Variants in MAEA observed in about 807,000 individuals in gnomAD.
The protein encoded by MAEA is macrophage erythroblast attacher, E3 ubiquitin ligase.
In MAEA, 22 loss-of-function variants were observed where a neutral mutation model predicts 46.2. The observed-to-expected ratio is 0.48, with a 90% CI of 0.34 to 0.68. The LOEUF (loss-of-function observed/expected upper bound fraction) is 0.68. Among genes scored for constraint, MAEA ranks in the 30% least tolerant of loss-of-function variants. MAEA has a pLI of 0.01. For missense variants in MAEA, 393 were observed against 558.1 expected (o/e 0.70, Z 2.98); for synonymous variants, 246 against 222.6 (o/e 1.11, Z -0.94).
intron 1 of MAEA, among the ~76,000 whole-genome samples, chr4:1,300,762 A>G (rs1735242710): frequency 6.6e-6 from 1 of 152,264 alleles, no homozygotes; most frequent in South Asian, 2.1e-4. Context: ...CAGGGCCGAC[A>G]GCACTCTTGC....
Position 1,303,232 on chromosome 4 carries a change from CAAAAAA to C in MAEA, c.70-8729_70-8724del, listed in dbSNP as rs71168823. Among the ~76,000 whole-genome samples, 196 of 65,676 alleles carry C rather than the reference CAAAAAA, an allele frequency of 3.0e-3. 1 individual carries two copies. Among genetic ancestry groups the C allele is most frequent in the African/African-American group, 8.3e-3 (139 of 16,762 alleles). The allele number at this position is 65,676 out of a possible 152,430, so 43.1% of individuals were successfully genotyped here. ...TGAAACCCCGTCTCTACTAAAAATA[CAAAAAA>C]AAAAAAAAAAAAAAAAAGCCGGTCA... On this transcript the variant is annotated intron_variant, in intron 1 of 8. Transcript: ENST00000303400.
Position 1,311,932 on chromosome 4 carries a change from G to A in MAEA, c.70-47G>A, listed in dbSNP as rs1157570478. 1 of 1,548,736 alleles carries A rather than the reference G, an allele frequency of 6.5e-7. No homozygotes were observed. The highest frequency in any genetic ancestry group is 1.2e-5 in the South Asian group (1 of 84,462). ...GTGTCCTGGGTGTGGGGCTGGTGGG[G>A]CTCACACCAGGGGAGCAGATCCCTC... On this transcript the variant is annotated intron_variant, in intron 1 of 8. Coordinates refer to ENST00000303400, the MANE Select transcript of MAEA (RefSeq NM_001017405.3). The surrounding 1 kb of genome is among the most constrained non-coding windows in gnomAD (Gnocchi z 4.4).
chr4:1,323,156 AG>A (rs1426236337), intron 4 of MAEA, among the ~76,000 whole-genome samples: 3 of 151,992 alleles, frequency 2.0e-5, no homozygotes, highest in African/African-American at 7.3e-5. Flanking sequence ...CACGTTGGCC[AG>A]GATGGTCTTG....
At position 1,339,121 on chromosome 4, in the gene MAEA, C is replaced by G. The variant is rs753325496; in HGVS notation, c.1143C>G (p.Thr381=). 6.2e-7 allele frequency: 1 copy of G among 1,613,996 alleles called. No individual in the cohort carries two copies. The highest frequency in any genetic ancestry group is 1.7e-5 in the Admixed American group (1 of 60,020). The change falls in exon 9 of 9, where the codon ACC becomes ACG. Residue 381 remains threonine (T), a synonymous_variant. Coordinates refer to ENST00000303400, the MANE Select transcript of MAEA (RefSeq NM_001017405.3). ...RQDDKVVCPR[T]KEVFHFSQAE... is the part of the protein sequence containing the mutation. ...ATGATAAAGTCGTGTGCCCGAGAAC[C>G]AAAGAAGTCTTCCACTTCTCACAAG...
intron 6 of MAEA, among the ~76,000 whole-genome samples, chr4:1,334,474 C>T (rs1712483797): frequency 6.6e-6 from 1 of 152,224 alleles, no homozygotes; most frequent in Non-Finnish European, 1.5e-5. Flanking sequence ...GGGGTCTGAG[C>T]TTCCCAGACT....
chr4:1,315,884 C>A (rs1217655805), intron 3 of MAEA, among the ~76,000 whole-genome samples: 5 of 56,786 alleles, frequency 8.8e-5, no homozygotes, highest in African/African-American at 2.3e-4. Context: ...CCCCCCCCCC[C>A]CCAATGTGCG....
At chr4:1,302,771 C>T (rs1306164161) in intron 1 of MAEA, among the ~76,000 whole-genome samples, 3 of 152,204 alleles carry the variant, frequency 2.0e-5, no homozygotes, top group Non-Finnish European at 4.4e-5. Context: ...TGAGCCACCG[C>T]GCCCAGCCAA....
intron 6 of MAEA, among the ~76,000 whole-genome samples, chr4:1,333,371 C>T (rs530849101): frequency 1.3e-5 from 2 of 151,942 alleles, no homozygotes; most frequent in African/African-American, 4.8e-5. Context: ...GAGAAAGGTT[C>T]AGGAAGCCTT....
intron 1 of MAEA, 59 bp downstream of exon 1, chr4:1,290,041 G>A: frequency 4.6e-6 from 6 of 1,307,702 alleles, no homozygotes; most frequent in Non-Finnish European, 6.2e-6. Context: ...CAGTGCCCTC[G>A]GGCCGCGAGG....
At chr4:1,320,689 G>A (rs1352258282) in intron 3 of MAEA, among the ~76,000 whole-genome samples, 1 of 151,100 alleles carries the variant, frequency 6.6e-6, no homozygotes. Flanking sequence ...TTTCAGAAAA[G>A]AAATCATCAA....
At chr4:1,321,393 C>T (rs1407470393) in intron 3 of MAEA, among the ~76,000 whole-genome samples, 2 of 151,428 alleles carry the variant, frequency 1.3e-5, no homozygotes, top group Non-Finnish European at 2.9e-5. Context: ...GGAAACAACA[C>T]TGTGAGGGGT....
rs943234765 is a variant in MAEA, at chr4:1,311,399, C to T, written c.70-580C>T. 6.6e-6 allele frequency among the ~76,000 whole-genome samples: 1 copy of T among 152,250 alleles called. No individual in the cohort carries two copies. The highest frequency in any genetic ancestry group is 1.5e-5 in the Non-Finnish European group (1 of 68,040). On this transcript the variant is annotated intron_variant, in intron 1 of 8. Transcript: ENST00000303400. The surrounding 1 kb of genome is among the most constrained non-coding windows in gnomAD (Gnocchi z 4.4). The stretch of plus-strand genomic sequence containing the variant: ...CGACTTTAAGATTCTCCTTGATTGG[C>T]TTATTTCCACAGGGAATGGATGGTT...
chr4:1,296,664 C>G (rs1480721447), intron 1 of MAEA, among the ~76,000 whole-genome samples: 1 of 151,802 alleles, frequency 6.6e-6, no homozygotes, highest in Non-Finnish European at 1.5e-5. Flanking sequence ...CCTCCAGCTA[C>G]TACTCCCTGT....
intron 1 of MAEA, among the ~76,000 whole-genome samples, chr4:1,300,213 G>A (rs1735176840): frequency 6.6e-6 from 1 of 152,220 alleles, no homozygotes; most frequent in Admixed American, 6.5e-5. Context: ...CTGCCACGGA[G>A]CTGTTTCAGG....
intron 1 of MAEA, among the ~76,000 whole-genome samples, chr4:1,307,765 A>C (rs1735976154): frequency 6.6e-6 from 1 of 152,188 alleles, no homozygotes. Context: ...TTCTGATGCC[A>C]AAGGGCAGGA....
At chr4:1,302,602 C>T (rs1021525928) in intron 1 of MAEA, among the ~76,000 whole-genome samples, 1 of 152,172 alleles carries the variant, frequency 6.6e-6, no homozygotes, top group Non-Finnish European at 1.5e-5. Flanking sequence ...GCTTCAGCCT[C>T]CCAAGTAGCT....
chr4:1,301,187 C>T (rs974796550), intron 1 of MAEA, among the ~76,000 whole-genome samples: 3 of 152,226 alleles, frequency 2.0e-5, no homozygotes, highest in African/African-American at 7.2e-5. Context: ...TGCGTTTTGT[C>T]AGCAAATTCT....
At chr4:1,310,070 G>A in intron 1 of MAEA, 3 of 1,054,940 alleles carry the variant, frequency 2.8e-6, no homozygotes, top group Non-Finnish European at 3.5e-6. Context: ...GTCTAATGGC[G>A]AAGACTTTCT....
At position 1,328,880 on chromosome 4, in the gene MAEA, G is replaced by A. The variant is rs533593242; in HGVS notation, c.656+1177G>A. On this transcript the variant is annotated intron_variant, in intron 5 of 8. Coordinates refer to ENST00000303400, the MANE Select transcript of MAEA (RefSeq NM_001017405.3). ...CTGCAACGAGGTCCCTTCTGTGCCT[G>A]AGAGGGCTAAAGCGGGGATCTCGGG... 6 of 1,026,892 alleles carry A rather than the reference G, an allele frequency of 5.8e-6. No individual in the cohort carries two copies. In the South Asian group the frequency reaches 1.9e-4, roughly 33 times the overall value. The allele number at this position is 1,026,892 out of a possible 1,614,324, so 63.6% of individuals were successfully genotyped here.
Sources: gnomAD v4.1 joint callset for allele counts (sites outside exome capture counted in the v4.1 genomes callset) on GRCh38, gnomAD v4.1.1 for gene constraint, Gnocchi (gnomAD v3.1) non-coding constraint, MANE v1.5 for transcripts, NCBI Gene and HGNC (gene_info 2026-07-23, HGNC 2026-07-21) for gene names.